The following KIAA2012 variants were observed in gnomAD, a reference collection of about 807,000 sequenced individuals.
KIAA2012 encodes KIAA2012.
Under a neutral mutation model 150.6 loss-of-function variants are expected in KIAA2012, and 125 were observed. That is an observed-to-expected ratio of 0.83 (90% CI 0.72 to 0.96). The LOEUF is 0.96. Among genes scored for constraint, KIAA2012 ranks in the 40% least tolerant of loss-of-function variants. The probability of loss-of-function intolerance (pLI) is 0.00; values close to 1 mark genes in which losing one functional copy is unlikely to be tolerated. For synonymous variants in KIAA2012, 462 were observed against 504.7 expected (o/e 0.92, Z 1.13); for missense variants, 1,219 against 1,354.9 (o/e 0.90, Z 1.57).
At chr2:202,086,336 A>G (rs1330861589) in intron 2 of KIAA2012, among the ~76,000 whole-genome samples, 1 of 152,194 alleles carries the variant, frequency 6.6e-6, no homozygotes, top group Non-Finnish European at 1.5e-5. Context: ...AGTCAGTCAA[A>G]GCAAAGATTC....
intron 15 of KIAA2012, chr2:202,178,957 A>G (rs909223691): frequency 2.2e-5 from 6 of 273,312 alleles, no homozygotes; most frequent in African/African-American, 6.8e-5. Context: ...AATGATGCCA[A>G]TGGAATAATG....
chr2:202,119,814 G>T (rs971355820), intron 11 of KIAA2012, among the ~76,000 whole-genome samples: 2 of 152,202 alleles, frequency 1.3e-5, no homozygotes, highest in Non-Finnish European at 2.9e-5. Flanking sequence ...ACCAACCTGA[G>T]TGATATCTTT....
intron 4 of KIAA2012, among the ~76,000 whole-genome samples, chr2:202,096,038 CAT>C (rs1174001716): frequency 1.6e-4 from 25 of 152,226 alleles, no homozygotes; most frequent in Non-Finnish European, 2.1e-4. Flanking sequence ...GAGCCAAGAT[CAT>C]GCCACTGCAC....
At chr2:202,099,012 C>T (rs912858635) in intron 5 of KIAA2012, among the ~76,000 whole-genome samples, 3 of 151,790 alleles carry the variant, frequency 2.0e-5, no homozygotes, top group Non-Finnish European at 4.4e-5. Context: ...GGGAGGGACA[C>T]GATCTTGCTC....
chr2:202,115,812 T>C (rs1036737948), intron 11 of KIAA2012: 2 of 151,996 alleles, frequency 1.3e-5, no homozygotes, highest in Non-Finnish European at 2.9e-5. Context: ...TTCTGAGACT[T>C]CCAGGCTCTG....
At chr2:202,201,841 G>A (rs1444899136) in intron 22 of KIAA2012, 4 of 1,281,588 alleles carry the variant, frequency 3.1e-6, no homozygotes, top group Admixed American at 3.4e-5. Context: ...CCAGGAGGCT[G>A]CACAGGCTAG....
At chr2:202,138,360 G>GTAT in intron 12 of KIAA2012, 72 bp from the exon 13 acceptor site, 1 of 990,594 alleles carries the variant, frequency 1.0e-6, no homozygotes, top group Non-Finnish European at 1.6e-6. Flanking sequence ...GTGTGTGTAT[G>GTAT]GTATATATAA....
chr2:202,192,157 G>T (rs1692335238), intron 19 of KIAA2012, among the ~76,000 whole-genome samples: 1 of 152,136 alleles, frequency 6.6e-6, no homozygotes, highest in Non-Finnish European at 1.5e-5. Context: ...GAACCTGCGG[G>T]ATCATCAGCA....
Position 202,138,456 on chromosome 2 carries a change from T to G in KIAA2012, c.1856T>G (p.Leu619Arg), listed in dbSNP as rs1430081031. The G allele has an allele frequency of 1.3e-6, 2 of 1,550,594 alleles. No homozygotes were observed. Among genetic ancestry groups the G allele is most frequent in the African/African-American group, 2.7e-5 (2 of 73,060 alleles). ...GCAAACACTGAACCTAGAGCCAATC[T>G]TCACATGAACCTTTATGAAACCTCA... is the stretch of plus-strand genomic sequence containing the variant. Reference protein sequence around the residue: ...LKANTEPRANLHMNLYETSPL... With the variant: ...LKANTEPRANRHMNLYETSPL... Residue 619 changes from leucine (L) to arginine (R), a missense_variant, in exon 13 of 24, where the codon CTT becomes CGT. Transcript: ENST00000498697.
chr2:202,096,563 G>A (rs574305854), intron 4 of KIAA2012, among the ~76,000 whole-genome samples: 3 of 152,298 alleles, frequency 2.0e-5, no homozygotes, highest in African/African-American at 7.2e-5. Flanking sequence ...TGGAAATAAT[G>A]AACGGGAGCA....
intron 13 of KIAA2012, among the ~76,000 whole-genome samples, chr2:202,139,761 C>T (rs749142348): frequency 6.6e-6 from 1 of 152,158 alleles, no homozygotes; most frequent in African/African-American, 2.4e-5. Flanking sequence ...ATCCCATTTA[C>T]GGGATCTAGA....
intron 23 of KIAA2012, among the ~76,000 whole-genome samples, chr2:202,203,352 T>A (rs528757355): frequency 6.6e-6 from 1 of 152,306 alleles, no homozygotes; most frequent in South Asian, 2.1e-4. Flanking sequence ...CCATTTCACC[T>A]TAAGAATCTA....
At chr2:202,151,271 C>T (rs1213975321) in intron 13 of KIAA2012, among the ~76,000 whole-genome samples, 1 of 152,082 alleles carries the variant, frequency 6.6e-6, no homozygotes, top group African/African-American at 2.4e-5. Context: ...GTGGCACACA[C>T]CTGTAGTCCC....
intron 7 of KIAA2012, among the ~76,000 whole-genome samples, chr2:202,102,084 G>C (rs1036874624): frequency 6.6e-6 from 1 of 151,994 alleles, no homozygotes; most frequent in African/African-American, 2.4e-5. Flanking sequence ...GTTAAAAGTT[G>C]CAAACTAAAA....
chr2:202,121,725 A>G (rs1690656746), intron 11 of KIAA2012, among the ~76,000 whole-genome samples: 1 of 152,178 alleles, frequency 6.6e-6, no homozygotes, highest in African/African-American at 2.4e-5. Flanking sequence ...CACTCCACAT[A>G]CCAAAGCTCC....
chr2:202,167,752 G>A (rs1431221228), intron 15 of KIAA2012, among the ~76,000 whole-genome samples: 1 of 152,082 alleles, frequency 6.6e-6, no homozygotes, highest in Non-Finnish European at 1.5e-5. Context: ...GCTGAGGCAG[G>A]AGGATCCCTA....
chr2:202,127,588 G>T (rs1690826806), intron 12 of KIAA2012, among the ~76,000 whole-genome samples: 1 of 152,236 alleles, frequency 6.6e-6, no homozygotes, highest in Admixed American at 6.5e-5. Flanking sequence ...AAGGGGCCAT[G>T]ACAGTGCCCC....
intron 22 of KIAA2012, chr2:202,201,945 C>T: frequency 1.3e-6 from 1 of 741,222 alleles, no homozygotes; most frequent in Admixed American, 2.0e-5. Flanking sequence ...CCGTCCTCTT[C>T]CTGTTCGGAG....
At position 202,165,335 on chromosome 2, in the gene KIAA2012, G is replaced by GA; in HGVS notation, c.2101dup (p.Thr701AsnfsTer16). The GA allele has an allele frequency of 6.5e-7, 1 of 1,550,350 alleles. No individual in the cohort carries two copies. Among genetic ancestry groups the GA allele is most frequent in the Non-Finnish European group, 8.7e-7 (1 of 1,146,840 alleles). On this transcript the variant is annotated frameshift_variant, in exon 15 of 24. Transcript: ENST00000498697. LOFTEE classifies it high-confidence loss of function. ...GGAAGAAGCAGGGAGACCCCTCAGAGAAACTCACCACAACGACCAAGGTAC... is the reference window on the plus strand; with the variant it reads ...GGAAGAAGCAGGGAGACCCCTCAGAGAAAACTCACCACAACGACCAAGGTAC...
Sources: allele counts gnomAD v4.1 joint callset (sites outside exome capture counted in the v4.1 genomes callset), GRCh38; gene constraint gnomAD v4.1.1; transcripts MANE v1.5; gene names NCBI Gene and HGNC (gene_info 2026-07-23, HGNC 2026-07-21).